The following NKAIN3 variants were observed in gnomAD, a reference collection of about 807,000 sequenced individuals.
NKAIN3 encodes sodium/potassium transporting ATPase interacting 3.
NKAIN3 carries 25 observed loss-of-function variants against 30.2 expected under a neutral mutation model. The ratio of observed to expected loss-of-function variants is 0.83; its 90% CI spans 0.60 to 1.16. The LOEUF (loss-of-function observed/expected upper bound fraction) is 1.16. Ranked by LOEUF, NKAIN3 falls within the 50% of genes most tolerant of loss-of-function variation. The pLI is 0.00. For missense variants in NKAIN3, 225 were observed against 254.1 expected (o/e 0.89, Z 0.78); for synonymous variants, 91 against 89.6 (o/e 1.02, Z -0.09).
chr8:62,696,024 C>G (rs191532430), intron 3 of NKAIN3, among the ~76,000 whole-genome samples: 1 of 152,008 alleles, frequency 6.6e-6, no homozygotes, highest in Non-Finnish European at 1.5e-5. Flanking sequence ...TATATAAAAA[C>G]GCAAAAATAA....
At chr8:62,417,809 TA>T (rs1193995544) in intron 1 of NKAIN3, among the ~76,000 whole-genome samples, 11 of 152,202 alleles carry the variant, frequency 7.2e-5, no homozygotes, top group African/African-American at 2.7e-4. Flanking sequence ...TGCTTATTTT[TA>T]ATCAGATTAT....
intron 3 of NKAIN3, among the ~76,000 whole-genome samples, chr8:62,643,472 A>G (rs1040948271): frequency 3.9e-5 from 6 of 152,108 alleles, no homozygotes; most frequent in African/African-American, 1.4e-4. Flanking sequence ...AACCCACTAT[A>G]TCATAGGAGC....
chr8:62,428,654 G>A (rs1313247810), intron 1 of NKAIN3, among the ~76,000 whole-genome samples: 2 of 151,876 alleles, frequency 1.3e-5, no homozygotes, highest in East Asian at 1.9e-4. Context: ...CTTCTTTTGA[G>A]AAATGTCCAT....
At position 62,289,946 on chromosome 8, in the gene NKAIN3, G is replaced by T. The variant is rs567652767; in HGVS notation, c.54+40819G>T. Among the ~76,000 whole-genome samples the T allele has an allele frequency of 7.9e-5, 12 of 152,268 alleles. No homozygotes were observed. The South Asian group carries it at 2.5e-3, about 32-fold the overall frequency. On this transcript the variant is annotated intron_variant, in intron 1 of 6. Coordinates refer to ENST00000623646, the MANE Select transcript of NKAIN3 (RefSeq NM_001304533.3). Reference sequence around the variant, plus strand: ...GCAGTGGTTTATAGTTCCCCTTGAAGAGGTCCTTCACATCCCTTGTAAGTT... The same window carrying T: ...GCAGTGGTTTATAGTTCCCCTTGAATAGGTCCTTCACATCCCTTGTAAGTT...
At chr8:62,879,071 C>T (rs961939793) in intron 4 of NKAIN3, among the ~76,000 whole-genome samples, 13 of 152,112 alleles carry the variant, frequency 8.5e-5, no homozygotes, top group Non-Finnish European at 1.6e-4. Context: ...GTTCTAGATC[C>T]CTGAGGAATC....
intron 4 of NKAIN3, among the ~76,000 whole-genome samples, chr8:62,828,595 G>A (rs879564254): frequency 1.7e-4 from 25 of 148,008 alleles, no homozygotes; most frequent in Admixed American, 1.4e-3. Context: ...AAATTTTGAC[G>A]CTTCTCCCAT....
At chr8:62,895,868 A>G (rs1483101408) in intron 4 of NKAIN3, among the ~76,000 whole-genome samples, 1 of 152,110 alleles carries the variant, frequency 6.6e-6, no homozygotes, top group Non-Finnish European at 1.5e-5. Context: ...CCCTTTTCTT[A>G]CGGAGCTGTC....
At chr8:62,826,567 G>T (rs1177088354) in intron 4 of NKAIN3, among the ~76,000 whole-genome samples, 1 of 152,100 alleles carries the variant, frequency 6.6e-6, no homozygotes, top group Non-Finnish European at 1.5e-5. Context: ...ATAGTAACAA[G>T]GCTGATTTTA....
rs188295063 is a variant in NKAIN3 at position 62,762,824 on chromosome 8, C to T, written c.471+15695C>T. 1.4e-3 allele frequency among the ~76,000 whole-genome samples: 210 copies of T among 152,188 alleles called. 1 individual carries two copies. Among genetic ancestry groups the T allele is most frequent in the African/African-American group, 4.8e-3 (201 of 41,524 alleles). On this transcript the variant is annotated intron_variant, in intron 4 of 6. Coordinates refer to ENST00000623646, the MANE Select transcript of NKAIN3 (RefSeq NM_001304533.3). ...GAGATGACAGAGTTGAGAGATTTTG[C>T]TCCACTGGTAGCTTGTATCTTTTTT...
At chr8:62,786,965 G>T (rs1256933371) in intron 4 of NKAIN3, among the ~76,000 whole-genome samples, 2 of 152,152 alleles carry the variant, frequency 1.3e-5, no homozygotes, top group African/African-American at 4.8e-5. Flanking sequence ...CCTGAGGCAG[G>T]ACAATGGGAA....
chr8:62,474,424 T>A (rs1806449581), intron 1 of NKAIN3, among the ~76,000 whole-genome samples: 1 of 152,116 alleles, frequency 6.6e-6, no homozygotes, highest in Admixed American at 6.6e-5. Context: ...CAGGTCACTT[T>A]TGAATCTGAA....
Position 62,802,678 on chromosome 8 carries a change from C to T in NKAIN3, c.471+55549C>T, listed in dbSNP as rs545895425. Among the ~76,000 whole-genome samples, 351 of 152,216 alleles carry T rather than the reference C, an allele frequency of 2.3e-3. 1 individual carries two copies. Among genetic ancestry groups the T allele is most frequent in the African/African-American group, 8.1e-3 (337 of 41,536 alleles). On this transcript the variant is annotated intron_variant, in intron 4 of 6. Transcript: ENST00000623646. ...CAAAATCATGCCAAATTGTAAAGAC[C>T]ATCGAGGCTAGGAAGAAATTGCATC... is the stretch of plus-strand genomic sequence containing the variant.
At chr8:62,549,398 T>G (rs2129928361) in intron 1 of NKAIN3, among the ~76,000 whole-genome samples, 1 of 152,310 alleles carries the variant, frequency 6.6e-6, no homozygotes, top group South Asian at 2.1e-4. Flanking sequence ...AAATTTTTTT[T>G]TCCTTGTCAT....
chr8:62,663,084 T>G (rs1195516485), intron 3 of NKAIN3, among the ~76,000 whole-genome samples: 3 of 152,220 alleles, frequency 2.0e-5, no homozygotes, highest in African/African-American at 7.2e-5. Flanking sequence ...GGCAGGAAAG[T>G]GCATGGGAAG....
rs1818783700 is a variant in NKAIN3, at chr8:62,819,350, T to G, written c.471+72221T>G. 2.0e-5 allele frequency among the ~76,000 whole-genome samples: 3 copies of G among 152,028 alleles called. No homozygotes were observed. In the South Asian group the frequency reaches 6.2e-4, roughly 31 times the overall value. On this transcript the variant is annotated intron_variant, in intron 4 of 6. Transcript: ENST00000623646. Reference sequence around the variant, plus strand: ...ATGATGAATAAAAAGTGACTAAATCTTGAACTTGGTGTATGGGTGAATGGA... The same window carrying G: ...ATGATGAATAAAAAGTGACTAAATCGTGAACTTGGTGTATGGGTGAATGGA...
rs540589468 is a variant in NKAIN3 at position 62,735,622 on chromosome 8, CCTT to C, written c.274-11307_274-11305del. On this transcript the variant is annotated intron_variant, in intron 3 of 6. Coordinates refer to ENST00000623646, the MANE Select transcript of NKAIN3 (RefSeq NM_001304533.3). ...CCTCGTTAAGTACCTTAATAATACA[CCTT>C]CTGAATTCTTTTTCTGGTGATTCAG... is the stretch of plus-strand genomic sequence containing the variant. Among the ~76,000 whole-genome samples the C allele has an allele frequency of 3.0e-4, 46 of 152,154 alleles. No homozygotes were observed. The South Asian group carries it at 9.3e-3, about 31-fold the overall frequency.
chr8:62,360,717 G>A (rs1456643885), intron 1 of NKAIN3, among the ~76,000 whole-genome samples: 2 of 151,958 alleles, frequency 1.3e-5, no homozygotes, highest in Admixed American at 6.6e-5. Flanking sequence ...ATTGTCAGTG[G>A]GGTGTTAAAG....
intron 3 of NKAIN3, among the ~76,000 whole-genome samples, chr8:62,680,280 G>A (rs1323839526): frequency 6.6e-6 from 1 of 152,224 alleles, no homozygotes; most frequent in Non-Finnish European, 1.5e-5. Context: ...GAAAAACACA[G>A]CCCTGCTGAC....
chr8:62,288,078 C>G (rs981399493), intron 1 of NKAIN3, among the ~76,000 whole-genome samples: 13 of 152,166 alleles, frequency 8.5e-5, no homozygotes, highest in African/African-American at 3.1e-4. Flanking sequence ...TCCTAACCCT[C>G]CGAGTAAAAT....
Sources: gnomAD v4.1 joint callset for allele counts (sites outside exome capture counted in the v4.1 genomes callset) on GRCh38, gnomAD v4.1.1 for gene constraint, MANE v1.5 for transcripts, NCBI Gene and HGNC (gene_info 2026-07-23, HGNC 2026-07-21) for gene names.